The following FAM20B variants were observed in gnomAD, a reference collection of about 807,000 sequenced individuals.
FAM20B encodes FAM20B glycosaminoglycan xylosylkinase, also known as glycosaminoglycan xylosylkinase.
FAM20B carries 23 observed loss-of-function variants against 43.8 expected under a neutral mutation model. That is an observed-to-expected ratio of 0.53 (90% CI 0.38 to 0.74). FAM20B has a LOEUF of 0.74. FAM20B is among the 30% of genes least tolerant of loss of function. FAM20B has a pLI of 0.00. For synonymous variants in FAM20B, 178 were observed against 192.4 expected, an observed-to-expected ratio of 0.93 and a Z score of 0.62; for missense variants, 440 against 510.5, an observed-to-expected ratio of 0.86 and a Z score of 1.33.
In FAM20B at chr1:179,044,184, A is replaced by G. The variant is rs971728813; in HGVS notation, c.337A>G (p.Ile113Val). 2 of 1,612,456 alleles carry G rather than the reference A, an allele frequency of 1.2e-6. No individual in the cohort carries two copies. Among genetic ancestry groups the G allele is most frequent in the Non-Finnish European group, 8.5e-7 (1 of 1,179,108 alleles). Reference sequence around the variant, plus strand: ...AGGGACACAGCTGAAAGCCTTACTGATACTTGAAGGAGGCCAGAAAGTTGT... The same window carrying G: ...AGGGACACAGCTGAAAGCCTTACTGGTACTTGAAGGAGGCCAGAAAGTTGT... ...YKGTQLKALL[I>V]LEGGQKVVFK... The change falls in exon 2 of 8, where the codon ATA becomes GTA. Residue 113 changes from isoleucine (I) to valine (V), a missense_variant. By Grantham distance (29) the Ile-to-Val change is conservative (BLOSUM62 3). Coordinates refer to ENST00000263733, the MANE Select transcript of FAM20B (RefSeq NM_014864.4).
At position 179,036,934 on chromosome 1, in the gene FAM20B, AAG is replaced by A. The variant is rs1224428552; in HGVS notation, c.-133-6778_-133-6777del. 2.6e-5 allele frequency among the ~76,000 whole-genome samples: 4 copies of A among 152,176 alleles called. No homozygotes were observed. In the South Asian group the frequency reaches 6.2e-4, roughly 24 times the overall value. ...GGAGATTGGAAGAAATGTTAAGAGA[AAG>A]AGGAATTTTGAGGGACTACAGTGTA... On this transcript the variant is annotated intron_variant, in intron 1 of 7. Transcript: ENST00000263733.
the FAM20B span, among the ~76,000 whole-genome samples, chr1:179,017,449 T>G: frequency 3.9e-5 from 6 of 152,190 alleles, no homozygotes; most frequent in Non-Finnish European, 8.8e-5. Flanking sequence ...TTTTTTTTCA[T>G]GACTACAAAC....
intron 2 of FAM20B, 78 bp from the exon 3 acceptor site, chr1:179,050,201 G>A (rs774403516): frequency 4.2e-6 from 4 of 960,644 alleles, no homozygotes; most frequent in African/African-American, 3.2e-5. Context: ...TTGCTAATGG[G>A]TGTATTCTAC....
chr1:179,033,811 G>A (rs1572529527), intron 1 of FAM20B, among the ~76,000 whole-genome samples: 1 of 152,192 alleles, frequency 6.6e-6, no homozygotes, highest in African/African-American at 2.4e-5. Flanking sequence ...TCCTGCCTCA[G>A]CCTCTCAAGT....
intron 7 of FAM20B, among the ~76,000 whole-genome samples, chr1:179,068,992 GGA>G (rs1269565005): frequency 6.6e-6 from 1 of 152,212 alleles, no homozygotes. Flanking sequence ...ACATGCAGAA[GGA>G]GAGAGAGAAT....
At chr1:179,019,720 C>T in the FAM20B span, among the ~76,000 whole-genome samples, 3 of 152,294 alleles carry the variant, frequency 2.0e-5, no homozygotes, top group East Asian at 5.8e-4. Flanking sequence ...CCTCAGCCTC[C>T]CAAAGTGCCG....
chr1:179,023,482 C>T (rs558542223), upstream of FAM20B, among the ~76,000 whole-genome samples: 16 of 152,310 alleles, frequency 1.1e-4, no homozygotes, highest in Admixed American at 8.5e-4. Flanking sequence ...AGTGCTCAGA[C>T]CTCCTTAATT....
chr1:179,050,499 C>G, intron 3 of FAM20B, 134 bp downstream of exon 3: 1 of 620,628 alleles, frequency 1.6e-6, no homozygotes, highest in South Asian at 1.9e-5. Context: ...AGCTAATTGA[C>G]TAGTTCCATT....
At chr1:179,039,606 G>A (rs1650394789) in intron 1 of FAM20B, among the ~76,000 whole-genome samples, 1 of 152,204 alleles carries the variant, frequency 6.6e-6, no homozygotes, top group African/African-American at 2.4e-5. Context: ...GAAGGACTAA[G>A]TAGAAATATG....
At chr1:179,017,374 T>C in the FAM20B span, among the ~76,000 whole-genome samples, 5 of 152,252 alleles carry the variant, frequency 3.3e-5, no homozygotes, top group African/African-American at 1.2e-4. Context: ...ATGTTGTTGC[T>C]TGAGCCTCTT....
At position 179,064,468 on chromosome 1, in the gene FAM20B, A is replaced by G. The variant is rs1016741106; in HGVS notation, c.910A>G (p.Met304Val). The change falls in exon 6 of 8, where the codon ATG (methionine) becomes GTG (valine). Residue 304 changes from methionine to valine, a missense_variant. By Grantham distance (21) the Met-to-Val change is conservative. Coordinates refer to ENST00000263733, the MANE Select transcript of FAM20B (RefSeq NM_014864.4). ...CTTTCAAGATGATGAAGGCGCTAGT[A>G]TGCTCATCCTTCTTGATAATGCCAA... ...ESFQDDEGAS[M>V]LILLDNAKSF... The G allele has an allele frequency of 6.8e-6, 11 of 1,613,848 alleles. No homozygotes were observed. Among genetic ancestry groups the G allele is most frequent in the Admixed American group, 1.7e-5 (1 of 59,988 alleles).
chr1:179,057,246 G>A (rs1316970322), intron 4 of FAM20B, among the ~76,000 whole-genome samples: 1 of 152,182 alleles, frequency 6.6e-6, no homozygotes, highest in Non-Finnish European at 1.5e-5. Flanking sequence ...TTGGGAGACT[G>A]AGGCAGGAGA....
intron 3 of FAM20B, 124 bp from the exon 4 acceptor site, chr1:179,054,405 T>C: frequency 1.7e-6 from 1 of 572,552 alleles, no homozygotes; most frequent in Non-Finnish European, 3.2e-6. Flanking sequence ...TCTAAAAAAT[T>C]AGGTTTAGCT....
At chr1:179,055,381 A>G (rs573913553) in intron 4 of FAM20B, among the ~76,000 whole-genome samples, 19 of 152,346 alleles carry the variant, frequency 1.2e-4, no homozygotes, top group African/African-American at 3.8e-4. Flanking sequence ...AGACATTGCA[A>G]GATGAACTTC....
rs1427707061 is a variant in FAM20B, at chr1:179,075,440, A to G, written c.*3296A>G. On this transcript the variant is annotated 3_prime_UTR_variant, in exon 8 of 8. Coordinates refer to ENST00000263733, the MANE Select transcript of FAM20B (RefSeq NM_014864.4). Reference sequence around the variant, plus strand: ...AAAACATGTTTATTCTAAAGTTCGAATGGATAAATTTGAGTATAAAGGTTT... The same window carrying G: ...AAAACATGTTTATTCTAAAGTTCGAGTGGATAAATTTGAGTATAAAGGTTT... The G allele has an allele frequency of 6.6e-6, 1 of 152,524 alleles. No individual in the cohort carries two copies. The highest frequency in any genetic ancestry group is 1.5e-5 in the Non-Finnish European group (1 of 68,016). 9.4% of individuals were successfully genotyped at this position (152,524 alleles called of 1,614,324 possible).
chr1:179,044,870 C>T (rs1650699962), intron 2 of FAM20B, among the ~76,000 whole-genome samples: 1 of 152,214 alleles, frequency 6.6e-6, no homozygotes, highest in South Asian at 2.1e-4. Flanking sequence ...TTGTAAAAAA[C>T]TGCTAAACTA....
intron 1 of FAM20B, among the ~76,000 whole-genome samples, chr1:179,036,121 C>T (rs1650217027): frequency 6.6e-6 from 1 of 152,076 alleles, no homozygotes; most frequent in Admixed American, 6.5e-5. Context: ...CAGAGCGAGA[C>T]TCTGTCTCAA....
upstream of FAM20B, among the ~76,000 whole-genome samples, chr1:179,025,256 C>CA (rs1398873846): frequency 1.3e-5 from 2 of 152,066 alleles, no homozygotes; most frequent in Non-Finnish European, 1.5e-5. Context: ...CGGTCCTTAG[C>CA]AAAAAACAGA....
intron 1 of FAM20B, among the ~76,000 whole-genome samples, chr1:179,026,581 G>C (rs1310051620): frequency 6.6e-6 from 1 of 152,194 alleles, no homozygotes; most frequent in African/African-American, 2.4e-5. Context: ...GGCCCGCCTC[G>C]TGGCCGGGAA....
Sources: gnomAD v4.1 joint callset for allele counts (sites outside exome capture counted in the v4.1 genomes callset) on GRCh38, gnomAD v4.1.1 for gene constraint, MANE v1.5 for transcripts, NCBI Gene and HGNC (gene_info 2026-07-23, HGNC 2026-07-21) for gene names.